GLRB: variants seen among roughly 807,000 people sequenced by gnomAD.
GLRB encodes the protein glycine receptor beta, also known as glycine receptor subunit beta.
GLRB carries 33 observed loss-of-function variants against 54.2 expected under a neutral mutation model. That is an observed-to-expected ratio of 0.61 (90% confidence interval 0.46 to 0.81). The LOEUF (loss-of-function observed/expected upper bound fraction) is 0.81. Ranked by LOEUF, GLRB falls within the 40% of genes least tolerant of loss-of-function variation. GLRB has a pLI of 0.00. For missense variants in GLRB, 572 were observed against 584.6 expected (o/e 0.98, Z 0.22); for synonymous variants, 209 against 208.2 (o/e 1.00, Z -0.03).
At chr4:157,086,399 G>T (rs746914722) in intron 2 of GLRB, among the ~76,000 whole-genome samples, 1 of 152,108 alleles carries the variant, frequency 6.6e-6, no homozygotes, top group Admixed American at 6.5e-5. Flanking sequence ...ACAATGTTTA[G>T]AAATAAAAAA....
intron 4 of GLRB, among the ~76,000 whole-genome samples, chr4:157,123,309 A>G (rs1002585262): frequency 6.6e-6 from 1 of 151,710 alleles, no homozygotes; most frequent in Non-Finnish European, 1.5e-5. Context: ...TTTCCTGAGA[A>G]TATCTCAGAC....
intron 8 of GLRB, among the ~76,000 whole-genome samples, chr4:157,148,020 T>C (rs1433779134): frequency 6.6e-6 from 1 of 152,158 alleles, no homozygotes; most frequent in Non-Finnish European, 1.5e-5. Context: ...CCCTGGTCCA[T>C]AGTATCAGAA....
chr4:157,139,083 C>A, intron 7 of GLRB, 134 bp downstream of exon 7: 1 of 579,334 alleles, frequency 1.7e-6, no homozygotes. Flanking sequence ...TCTTTACATT[C>A]ATATGTTTAA....
chr4:157,159,794 C>G (rs539820196), intron 9 of GLRB, among the ~76,000 whole-genome samples: 3 of 152,144 alleles, frequency 2.0e-5, no homozygotes, highest in South Asian at 4.1e-4. Flanking sequence ...CTAAAATTCT[C>G]TTTTTTTGTT....
chr4:157,129,270 T>C (rs935071249), intron 4 of GLRB, among the ~76,000 whole-genome samples: 3 of 151,912 alleles, frequency 2.0e-5, no homozygotes, highest in Middle Eastern at 3.4e-3. Flanking sequence ...GGTCTGTTTC[T>C]GATGGGAATT....
chr4:157,121,299 A>G (rs1735809242), intron 3 of GLRB, among the ~76,000 whole-genome samples: 1 of 151,722 alleles, frequency 6.6e-6, no homozygotes, highest in Non-Finnish European at 1.5e-5. Context: ...ACAATAAAAT[A>G]AGCCATGAGC....
chr4:157,135,404 A>G (rs936269231), intron 4 of GLRB, among the ~76,000 whole-genome samples: 1 of 152,088 alleles, frequency 6.6e-6, no homozygotes, highest in African/African-American at 2.4e-5. Flanking sequence ...AGCTCCCATA[A>G]TTCTCACATG....
chr4:157,122,281 G>C (rs2126534609), intron 3 of GLRB, 49 bp from the exon 4 acceptor site: 1 of 759,260 alleles, frequency 1.3e-6, no homozygotes, highest in East Asian at 2.7e-5. Context: ...TGATGATTCT[G>C]ACCAAGTTTT....
intron 9 of GLRB, among the ~76,000 whole-genome samples, chr4:157,160,931 GT>G (rs1737460729): frequency 2.0e-5 from 3 of 152,082 alleles, no homozygotes; most frequent in Non-Finnish European, 2.9e-5. Context: ...TGACAGTGGG[GT>G]GTTAAAGTCT....
chr4:157,098,424 G>A (rs1014167799), intron 2 of GLRB, among the ~76,000 whole-genome samples: 3 of 152,128 alleles, frequency 2.0e-5, no homozygotes, highest in African/African-American at 7.2e-5. Context: ...AGGTCAGAAA[G>A]GGCTTCTCTT....
chr4:157,088,232 A>T (rs181804085), intron 2 of GLRB, among the ~76,000 whole-genome samples: 107 of 152,226 alleles, frequency 7.0e-4, no homozygotes, highest in African/African-American at 2.4e-3. Context: ...CCTATTAATG[A>T]GTGGATGTGT....
intron 4 of GLRB, among the ~76,000 whole-genome samples, chr4:157,135,933 G>T (rs761705781): frequency 6.6e-6 from 1 of 152,072 alleles, no homozygotes; most frequent in Non-Finnish European, 1.5e-5. Context: ...GGATAAAAAC[G>T]TTTGCCACGT....
At chr4:157,115,399 T>G (rs1354523190) in intron 2 of GLRB, among the ~76,000 whole-genome samples, 3 of 151,818 alleles carry the variant, frequency 2.0e-5, no homozygotes, top group Non-Finnish European at 4.4e-5. Flanking sequence ...TTGCCACTAT[T>G]TATAGTTATA....
chr4:157,149,958 C>G (rs532359903), intron 8 of GLRB, among the ~76,000 whole-genome samples: 1 of 151,780 alleles, frequency 6.6e-6, no homozygotes, highest in African/African-American at 2.4e-5. Context: ...AATTATTTTG[C>G]GGATTCTTCC....
intron 2 of GLRB, among the ~76,000 whole-genome samples, chr4:157,096,841 T>C (rs1734831287): frequency 6.6e-6 from 1 of 152,218 alleles, no homozygotes; most frequent in Admixed American, 6.5e-5. Flanking sequence ...TTTGAAGTCT[T>C]TTCACTCAGT....
chr4:157,158,778 T>G (rs1275579820), intron 9 of GLRB, among the ~76,000 whole-genome samples: 3 of 152,210 alleles, frequency 2.0e-5, no homozygotes, highest in Non-Finnish European at 4.4e-5. Flanking sequence ...TGCCTCCAGC[T>G]TTGTTCTTTT....
At chr4:157,120,689 T>C (rs754099946) in intron 3 of GLRB, 27 bp downstream of exon 3, 1 of 1,039,968 alleles carries the variant, frequency 9.6e-7, no homozygotes, top group Admixed American at 1.7e-5. Context: ...TAAATGTTCA[T>C]TTTTATTGTT....
At chr4:157,164,661 A>G (rs1483827665) in intron 9 of GLRB, among the ~76,000 whole-genome samples, 1 of 152,202 alleles carries the variant, frequency 6.6e-6, no homozygotes, top group African/African-American at 2.4e-5. Context: ...AATTAAATGT[A>G]GTAACAGAAT....
chr4:157,089,587 A>G (rs911897413), intron 2 of GLRB, among the ~76,000 whole-genome samples: 2 of 151,910 alleles, frequency 1.3e-5, no homozygotes, highest in Admixed American at 6.6e-5. Flanking sequence ...CTTTTTAGCC[A>G]CCTCTCTGAC....
Sources: allele counts gnomAD v4.1 joint callset (sites outside exome capture counted in the v4.1 genomes callset), GRCh38; gene constraint gnomAD v4.1.1; transcripts MANE v1.5; gene names NCBI Gene and HGNC (gene_info 2026-07-23, HGNC 2026-07-21).